The following KIAA0319 variants were observed in gnomAD, a reference collection of about 807,000 sequenced individuals.
The protein encoded by KIAA0319 is KIAA0319.
In KIAA0319, 83 loss-of-function variants were observed where a neutral mutation model predicts 108.4. The ratio of observed to expected loss-of-function variants is 0.77; its 90% CI spans 0.64 to 0.92. The LOEUF is 0.92. KIAA0319 is among the 40% of genes least tolerant of loss of function. KIAA0319 has a pLI of 0.00. For synonymous variants in KIAA0319, 484 were observed against 510.4 expected (o/e 0.95, Z 0.70); for missense variants, 1,195 against 1,322.4 (o/e 0.90, Z 1.49).
rs968365343 is a variant in KIAA0319, at chr6:24,544,795, G to T, written c.*2370C>A. On this transcript the variant is annotated 3_prime_UTR_variant, in exon 21 of 21. Coordinates refer to ENST00000378214, the MANE Select transcript of KIAA0319 (RefSeq NM_014809.4). ...AAGCAGTCCACCATGAAGAATGCTG[G>T]TTGGTCATTCCATCTCGTGCTTTGT... The T allele has an allele frequency of 4.5e-4, 69 of 152,208 alleles. No individual in the cohort carries two copies. Among genetic ancestry groups the T allele is most frequent in the African/African-American group, 1.5e-3 (64 of 41,440 alleles). 9.4% of individuals were successfully genotyped at this position (152,208 alleles called of 1,614,324 possible). A position where few individuals can be genotyped will look rare whatever the true frequency, so the allele number is the denominator to read the frequency against.
At chr6:24,542,656 A>T (rs1334138723), downstream of KIAA0319, among the ~76,000 whole-genome samples, 10 of 152,154 alleles carry the variant, frequency 6.6e-5, no homozygotes, top group Admixed American at 6.5e-4. Flanking sequence ...TCCACACTGC[A>T]GTGAGCCGTG....
chr6:24,555,235 G>A lies in KIAA0319; in HGVS notation c.2858-604C>T, dbSNP rs573838354. On this transcript the variant is annotated intron_variant, in intron 18 of 20. Coordinates refer to ENST00000378214, the MANE Select transcript of KIAA0319 (RefSeq NM_014809.4). ...TATTAGGCAGGGTGCGGTGGCTCAC[G>A]CCTGTAATCCCAACACTCTGGGAGG... 1.4e-4 allele frequency among the ~76,000 whole-genome samples: 21 copies of A among 152,282 alleles called. No individual in the cohort carries two copies. The East Asian group carries it at 3.5e-3, about 25-fold the overall frequency.
intron 4 of KIAA0319, among the ~76,000 whole-genome samples, chr6:24,585,742 C>T (rs1012465185): frequency 6.6e-6 from 1 of 152,150 alleles, no homozygotes; most frequent in Admixed American, 6.5e-5. Context: ...CTGGACCAAA[C>T]CAATGTACAT....
chr6:24,568,162 C>T (rs1764159164), intron 13 of KIAA0319, among the ~76,000 whole-genome samples: 1 of 152,200 alleles, frequency 6.6e-6, no homozygotes, highest in South Asian at 2.1e-4. Context: ...ACACTCTTGC[C>T]ATTCTACAAT....
At chr6:24,624,017 C>CTTTTTTTTTT (rs536970883) in intron 1 of KIAA0319, among the ~76,000 whole-genome samples, 1 of 50,540 alleles carries the variant, frequency 2.0e-5, no homozygotes, top group Non-Finnish European at 3.6e-5. Context: ...TCTTTGTTTT[C>CTTTTTTTTTT]TTTTTTTTTT....
At position 24,549,185 on chromosome 6, in the gene KIAA0319, C is replaced by T. The variant is rs375255873; in HGVS notation, c.3041-1842G>A. Among the ~76,000 whole-genome samples the T allele has an allele frequency of 2.2e-4, 33 of 152,030 alleles. No individual in the cohort carries two copies. The South Asian group carries it at 3.7e-3, about 17-fold the overall frequency. ...AAAAATACAAAAAAGATTAGCTGGG[C>T]ATGGTGGACAGGTGCCTGTAATCCC... is the stretch of plus-strand genomic sequence containing the variant. On this transcript the variant is annotated intron_variant, in intron 20 of 20. Transcript: ENST00000378214.
At chr6:24,645,200 A>G (rs1268265254) in intron 1 of KIAA0319, among the ~76,000 whole-genome samples, 2 of 152,240 alleles carry the variant, frequency 1.3e-5, no homozygotes, top group South Asian at 2.1e-4. Flanking sequence ...TTCACCGACA[A>G]ACAAAAATGT....
At chr6:24,583,566 C>T (rs752294018) in intron 5 of KIAA0319, 38 bp downstream of exon 5, 2 of 1,389,050 alleles carry the variant, frequency 1.4e-6, no homozygotes, top group Middle Eastern at 1.8e-4. Flanking sequence ...AAAAACACCC[C>T]AGTTCCTAGT....
chr6:24,570,528 C>T (rs1258850393), intron 11 of KIAA0319, among the ~76,000 whole-genome samples: 1 of 150,928 alleles, frequency 6.6e-6, no homozygotes, highest in Non-Finnish European at 1.5e-5. Context: ...GCGGAGCTTG[C>T]AGTGAGCCAA....
intron 19 of KIAA0319, 42 bp from the exon 20 acceptor site, chr6:24,551,567 G>A (rs758762480): frequency 7.5e-7 from 1 of 1,333,076 alleles, no homozygotes; most frequent in South Asian, 1.2e-5. Flanking sequence ...TCTTTAGAAA[G>A]GTAACTGAGA....
At chr6:24,607,353 T>C (rs1161307875) in intron 1 of KIAA0319, among the ~76,000 whole-genome samples, 1 of 38,644 alleles carries the variant, frequency 2.6e-5, no homozygotes. Flanking sequence ...CTAGACTCCA[T>C]CTCAAAAAAA....
chr6:24,591,551 T>C (rs905315912), intron 3 of KIAA0319, among the ~76,000 whole-genome samples: 1 of 152,190 alleles, frequency 6.6e-6, no homozygotes. Flanking sequence ...CAGTAAGCCA[T>C]GCTGCACCGT....
intron 3 of KIAA0319, among the ~76,000 whole-genome samples, chr6:24,594,627 A>C (rs1479509740): frequency 3.7e-5 from 2 of 54,462 alleles, no homozygotes; most frequent in Admixed American, 2.3e-4. Context: ...ACTCTGTCTC[A>C]CAAAAAAAAA....
At chr6:24,542,289 G>A (rs1300176996), downstream of KIAA0319, among the ~76,000 whole-genome samples, 1 of 152,180 alleles carries the variant, frequency 6.6e-6, no homozygotes. Context: ...CAGGAGCCAC[G>A]TAATTAGTTT....
At chr6:24,597,149 A>G (rs2127525708) in intron 2 of KIAA0319, among the ~76,000 whole-genome samples, 1 of 152,220 alleles carries the variant, frequency 6.6e-6, no homozygotes, top group East Asian at 1.9e-4. Flanking sequence ...ACTTAACAGG[A>G]ACATTCTTCT....
chr6:24,566,472 G>T, intron 14 of KIAA0319, 125 bp downstream of exon 14: 2 of 808,666 alleles, frequency 2.5e-6, no homozygotes, highest in Non-Finnish European at 3.5e-6. Flanking sequence ...AAGTTCTGTT[G>T]TTTAAGCCTC....
chr6:24,626,531 C>T (rs1774744231), intron 1 of KIAA0319, among the ~76,000 whole-genome samples: 1 of 148,710 alleles, frequency 6.7e-6, no homozygotes, highest in Admixed American at 6.7e-5. Context: ...GACTCGCTCT[C>T]AAAAAAAAAG....
chr6:24,572,354 A>G (rs1229839704), intron 11 of KIAA0319, among the ~76,000 whole-genome samples: 1 of 152,208 alleles, frequency 6.6e-6, no homozygotes, highest in African/African-American at 2.4e-5. Flanking sequence ...CACAAGGCAA[A>G]TCGGAGCCCA....
rs762712300 is a variant in KIAA0319 at position 24,588,606 on chromosome 6, A to G, written c.981T>C (p.Thr327=). The G allele has an allele frequency of 3.4e-5, 55 of 1,613,118 alleles. No individual in the cohort carries two copies. Among genetic ancestry groups the G allele is most frequent in the Non-Finnish European group, 4.6e-5 (54 of 1,179,332 alleles). Residue 327 remains threonine (T), a synonymous_variant, in exon 4 of 21, where the codon ACT becomes ACC. Transcript: ENST00000378214. The part of the protein sequence containing the change: ...TPSELPISPT[T]APRTVKELTV... ...TTTAAAAGTTACCTGTCCTGGGAGC[A>G]GTGGTAGGAGATATGGGTAGCTCAG...
Sources: gnomAD v4.1 joint callset for allele counts (sites outside exome capture counted in the v4.1 genomes callset) on GRCh38, gnomAD v4.1.1 for gene constraint, MANE v1.5 for transcripts, NCBI Gene and HGNC (gene_info 2026-07-23, HGNC 2026-07-21) for gene names.